The following KIFAP3 variants were observed in gnomAD, a reference collection of about 807,000 sequenced individuals.
The protein encoded by KIFAP3 is kinesin associated protein 3, also known as kinesin-associated protein 3.
In KIFAP3, 68 loss-of-function variants were observed where a neutral mutation model predicts 106.5. The observed-to-expected ratio is 0.64, with a 90% CI of 0.53 to 0.78. The LOEUF (loss-of-function observed/expected upper bound fraction) is 0.78. KIFAP3 is among the 30% of genes least tolerant of loss of function. The probability of loss-of-function intolerance (pLI) is 0.00; values close to 1 mark genes in which losing one functional copy is unlikely to be tolerated. For missense variants in KIFAP3, 780 were observed against 941.8 expected (o/e 0.83, Z 2.25); for synonymous variants, 320 against 311.5 (o/e 1.03, Z -0.29).
chr1:170,041,709 G>T lies in KIFAP3; in HGVS notation c.320-2421C>A, dbSNP rs1313016208. ...TAAGCTTGCTTGGAGTACAGAAACA[G>T]TTTCTGAATCTGAAAGACTTCTCCG... is the stretch of plus-strand genomic sequence containing the variant. On this transcript the variant is annotated intron_variant, in intron 3 of 19. Transcript: ENST00000361580. 4 of 1,535,276 alleles carry T rather than the reference G, an allele frequency of 2.6e-6. No individual in the cohort carries two copies. In the South Asian group the frequency reaches 4.8e-5, roughly 18 times the overall value.
At chr1:170,024,781 T>TTGTGTG (rs146826585) in intron 8 of KIFAP3, 185 bp from the exon 9 acceptor site, 26,070 of 398,966 alleles carry the variant, frequency 0.065, 737 homozygotes, top group Middle Eastern at 0.088. Flanking sequence ...GGATATGTGT[T>TTGTGTG]TGTGTGTGTG....
At position 170,034,511 on chromosome 1, in the gene KIFAP3, T is replaced by G; in HGVS notation, c.618-15A>C. On this transcript the variant is annotated splice_polypyrimidine_tract_variant and intron_variant, in intron 6 of 19. Transcript: ENST00000361580. ...ATTGAGAAAAGCTTTAAAGAAGACA[T>G]TTTAATATATATTTAAAAGAATACA... is the stretch of plus-strand genomic sequence containing the variant. The G allele has an allele frequency of 7.5e-7, 1 of 1,325,636 alleles. No homozygotes were observed. Among genetic ancestry groups the G allele is most frequent in the Non-Finnish European group, 1.0e-6 (1 of 963,118 alleles). 82.1% of individuals were successfully genotyped at this position (1,325,636 alleles called of 1,614,324 possible).
chr1:170,002,757 TGAAAATGCTTAA>T (rs1485641325), intron 10 of KIFAP3, among the ~76,000 whole-genome samples: 4 of 152,210 alleles, frequency 2.6e-5, no homozygotes, highest in Non-Finnish European at 5.9e-5. Context: ...AAATTATATA[TGAAAATGCTTAA>T]CACAAGTACA....
At position 170,016,398 on chromosome 1, in the gene KIFAP3, G is replaced by C. The variant is rs1571669788; in HGVS notation, c.1183+64C>G. 7.6e-6 allele frequency: 10 copies of C among 1,323,644 alleles called. No individual in the cohort carries two copies. The East Asian group carries it at 2.4e-4, about 32-fold the overall frequency. 82.0% of individuals were successfully genotyped at this position (1,323,644 alleles called of 1,614,324 possible). On this transcript the variant is annotated intron_variant, in intron 10 of 19. Coordinates refer to ENST00000361580, the MANE Select transcript of KIFAP3 (RefSeq NM_014970.4). ...TGTTCAGGAGGCTTTTCAACACAGA[G>C]CTCAATTTTCCAGCGATGTTGGAAA...
At chr1:169,981,340 T>C (rs1269123178) in intron 15 of KIFAP3, among the ~76,000 whole-genome samples, 1 of 152,196 alleles carries the variant, frequency 6.6e-6, no homozygotes, top group Non-Finnish European at 1.5e-5. Context: ...AATCATCCCT[T>C]TGTCCAGTGT....
At chr1:170,036,903 A>C (rs557186651) in intron 5 of KIFAP3, among the ~76,000 whole-genome samples, 1 of 152,232 alleles carries the variant, frequency 6.6e-6, no homozygotes, top group African/African-American at 2.4e-5. Flanking sequence ...ACACAAAATT[A>C]ATTTCTACAT....
rs200514302 is a variant in KIFAP3 at position 169,978,183 on chromosome 1, G to A, written c.1799C>T (p.Ala600Val). 2 of 1,600,396 alleles carry A rather than the reference G, an allele frequency of 1.2e-6. No homozygotes were observed. Among genetic ancestry groups the A allele is most frequent in the East Asian group, 2.2e-5 (1 of 44,662 alleles). The change falls in exon 16 of 20, where the codon GCT becomes GTT. Residue 600 changes from alanine (A) to valine (V), a missense_variant and splice_region_variant. By Grantham distance (64) the Ala-to-Val change is moderately conservative (BLOSUM62 0). Around this residue, in one of 3 missense-constraint regions of KIFAP3, gnomAD observed 78 missense variants for 140.6 expected, o/e 0.55. Coordinates refer to ENST00000361580, the MANE Select transcript of KIFAP3 (RefSeq NM_014970.4). ...IIPALIELLN[A>V]QQEDDEFVCQ... ...CACAAATTCATCATCTTCTTGTTGA[G>A]CTGTAAATAAACAAAAAATTCAAAT...
intron 10 of KIFAP3, among the ~76,000 whole-genome samples, chr1:170,008,081 A>G (rs1668062133): frequency 6.6e-6 from 1 of 151,752 alleles, no homozygotes; most frequent in Non-Finnish European, 1.5e-5. Flanking sequence ...GAAAACTACA[A>G]CTGGACCCCT....
rs1326790990 is a variant in KIFAP3 at position 170,046,741 on chromosome 1, T to A, written c.290A>T (p.Gln97Leu). The A allele has an allele frequency of 1.3e-6, 2 of 1,589,274 alleles. No homozygotes were observed. Among genetic ancestry groups the A allele is most frequent in the Non-Finnish European group, 1.7e-6 (2 of 1,166,072 alleles). ...NEVEQLLYYL[Q>L]NRRDSLSGKE... ...TCCTGACAATGAATCACGGCGGTTC[T>A]GTAGATAGTACAACAGCTGTTCTAC... is the stretch of plus-strand genomic sequence containing the variant. Residue 97 changes from glutamine to leucine, a missense_variant, in exon 3 of 20, where the codon CAG becomes CTG. Physicochemically the swap from Gln to Leu is moderately radical, Grantham distance 113. Around this residue, in one of 3 missense-constraint regions of KIFAP3, gnomAD observed 588 missense variants for 678.9 expected, o/e 0.87. Transcript: ENST00000361580.
Position 170,074,477 on chromosome 1 carries a change from G to T in KIFAP3, c.-10C>A, listed in dbSNP as rs760911902. On this transcript the variant is annotated 5_prime_UTR_variant, in exon 1 of 20. Transcript: ENST00000361580. ...CGTCCTCCCCTTGCATGGCGGCAGCGGCAGCGGCGTGGAGAGGATGGGGTA... is the reference window on the plus strand; with the variant it reads ...CGTCCTCCCCTTGCATGGCGGCAGCTGCAGCGGCGTGGAGAGGATGGGGTA... 6.2e-7 allele frequency: 1 copy of T among 1,614,066 alleles called. No individual in the cohort carries two copies. Among genetic ancestry groups the T allele is most frequent in the Non-Finnish European group, 8.5e-7 (1 of 1,179,994 alleles).
At chr1:169,941,601 G>A (rs1187888341) in intron 19 of KIFAP3, among the ~76,000 whole-genome samples, 1 of 151,550 alleles carries the variant, frequency 6.6e-6, no homozygotes, top group Non-Finnish European at 1.5e-5. Context: ...TTCCTTTTTT[G>A]ATTTATTTTA....
At chr1:170,006,361 G>C (rs998760593) in intron 10 of KIFAP3, among the ~76,000 whole-genome samples, 1 of 152,154 alleles carries the variant, frequency 6.6e-6, no homozygotes, top group African/African-American at 2.4e-5. Flanking sequence ...GAAGTGCCAT[G>C]CTAATGGTGG....
intron 8 of KIFAP3, among the ~76,000 whole-genome samples, chr1:170,026,005 A>C (rs1334272339): frequency 1.3e-5 from 2 of 152,126 alleles, no homozygotes; most frequent in Non-Finnish European, 2.9e-5. Flanking sequence ...GAATCCAATG[A>C]GTGGTGTCTT....
intron 2 of KIFAP3, 87 bp from the exon 3 acceptor site, chr1:170,046,953 A>G (rs933615102): frequency 1.4e-6 from 1 of 735,584 alleles, no homozygotes; most frequent in Non-Finnish European, 1.9e-6. Context: ...ATAGATTATA[A>G]ATTATTATAG....
chr1:169,967,983 C>T (rs546324887), intron 17 of KIFAP3, among the ~76,000 whole-genome samples: 111 of 151,812 alleles, frequency 7.3e-4, no homozygotes, highest in Non-Finnish European at 1.2e-3. Flanking sequence ...CAAAACCTAT[C>T]CAAAGCCTTT....
At chr1:170,076,363 C>G (rs1325888817), upstream of KIFAP3, among the ~76,000 whole-genome samples, 6 of 152,044 alleles carry the variant, frequency 3.9e-5, no homozygotes, top group Admixed American at 3.9e-4. Context: ...ACAAGATGAG[C>G]CTGGAACATT....
chr1:170,003,951 C>A (rs544383521), intron 10 of KIFAP3, among the ~76,000 whole-genome samples: 10 of 152,172 alleles, frequency 6.6e-5, no homozygotes, highest in African/African-American at 2.4e-4. Flanking sequence ...GATTGTATAT[C>A]TAGAAAACCC....
At chr1:170,002,808 T>C (rs190030901) in intron 10 of KIFAP3, among the ~76,000 whole-genome samples, 3 of 152,184 alleles carry the variant, frequency 2.0e-5, no homozygotes, top group South Asian at 2.1e-4. Context: ...ATTCTAAGTA[T>C]AGAAAAGCTT....
At chr1:170,076,882 A>T (rs80086567), upstream of KIFAP3, among the ~76,000 whole-genome samples, 1,091 of 152,304 alleles carry the variant, frequency 7.2e-3, 17 homozygotes, top group African/African-American at 0.024. Context: ...CAATGAGGAG[A>T]TCTAGCTGTC....
Sources: allele counts gnomAD v4.1 joint callset (sites outside exome capture counted in the v4.1 genomes callset), GRCh38; gene constraint gnomAD v4.1.1; regional missense constraint gnomAD v4.1.1; transcripts MANE v1.5; gene names NCBI Gene and HGNC (gene_info 2026-07-23, HGNC 2026-07-21).